WDR33: variants seen among roughly 807,000 people sequenced by gnomAD.
WDR33 encodes the protein WD repeat domain 33.
WDR33 carries 47 observed loss-of-function variants against 164.9 expected under a neutral mutation model. The observed-to-expected ratio is 0.29, with a 90% CI of 0.23 to 0.36. The LOEUF is 0.36. Ranked by LOEUF, WDR33 falls within the 10% of genes least tolerant of loss-of-function variation. WDR33 has a pLI of 1.00. For synonymous variants in WDR33, 505 were observed against 589.0 expected, an observed-to-expected ratio of 0.86 and a Z score of 2.06; for missense variants, 1,137 against 1,754.1, an observed-to-expected ratio of 0.65 and a Z score of 6.28.
At chr2:127,808,699 AGCCTG>A (rs1199733769) in intron 1 of WDR33, among the ~76,000 whole-genome samples, 1 of 151,932 alleles carries the variant, frequency 6.6e-6, no homozygotes, top group African/African-American at 2.4e-5. Context: ...GTTTGAGACC[AGCCTG>A]GCCAACATGG....
intron 1 of WDR33, among the ~76,000 whole-genome samples, chr2:127,771,318 T>C (rs1558947387): frequency 6.6e-6 from 1 of 152,224 alleles, no homozygotes; most frequent in Non-Finnish European, 1.5e-5. Flanking sequence ...CTGCACAGCA[T>C]GTTACTTTAC....
intron 7 of WDR33, among the ~76,000 whole-genome samples, chr2:127,749,847 T>C (rs1369535918): frequency 6.6e-6 from 1 of 151,636 alleles, no homozygotes; most frequent in Non-Finnish European, 1.5e-5. Flanking sequence ...GGCTTTTTTT[T>C]TTTTTTGAGA....
Position 127,764,067 on chromosome 2 carries a change from T to G in WDR33, c.626+761A>C. On this transcript the variant is annotated intron_variant, in intron 6 of 21. Transcript: ENST00000322313. This position sits in a 1 kb window ranked among gnomAD's most constrained non-coding sequence, Gnocchi z 6.2. ...CAACCTTAAAGAATGCTGCTTAGCT[T>G]TATTCTGAGGCTGCAGCAATTCTTC... 1 of 987,744 alleles carries G rather than the reference T, an allele frequency of 1.0e-6. No individual in the cohort carries two copies. Among genetic ancestry groups the G allele is most frequent in the Non-Finnish European group, 1.2e-6 (1 of 831,700 alleles). 61.2% of individuals were successfully genotyped at this position (987,744 alleles called of 1,614,324 possible). A position where few individuals can be genotyped will look rare whatever the true frequency, so the allele number is the denominator to read the frequency against.
chr2:127,748,723 G>A (rs1450787049), intron 7 of WDR33, among the ~76,000 whole-genome samples: 1 of 151,914 alleles, frequency 6.6e-6, no homozygotes, highest in East Asian at 1.9e-4. Context: ...CAATAAAGCT[G>A]AAGCTATAAG....
At chr2:127,797,071 T>C (rs1410641145) in intron 1 of WDR33, among the ~76,000 whole-genome samples, 1 of 152,068 alleles carries the variant, frequency 6.6e-6, no homozygotes, top group Non-Finnish European at 1.5e-5. Context: ...ATGATCACCA[T>C]GGCAGGGAAA....
Position 127,732,688 on chromosome 2 carries a change from G to A in WDR33, c.725-5911C>T, listed in dbSNP as rs13405380. Among the ~76,000 whole-genome samples the A allele has an allele frequency of 1.4e-3, 217 of 152,278 alleles. 1 individual carries two copies. The highest frequency in any genetic ancestry group is 5.1e-3 in the African/African-American group (212 of 41,562). On this transcript the variant is annotated intron_variant, in intron 7 of 21. Coordinates refer to ENST00000322313, the MANE Select transcript of WDR33 (RefSeq NM_018383.5). ...CCAGTGCCTGTGGTCCCAGGAAGAT[G>A]TGCCTCAGATACTCAGCAGGGATGC...
At chr2:127,804,212 T>C (rs1230209126) in intron 1 of WDR33, among the ~76,000 whole-genome samples, 1 of 151,972 alleles carries the variant, frequency 6.6e-6, no homozygotes, top group Non-Finnish European at 1.5e-5. Context: ...TCCCAGCTAC[T>C]CGGGAGGTTG....
In WDR33 at chr2:127,764,317, G is replaced by A; in HGVS notation, c.626+511C>T. 2 of 1,344,234 alleles carry A rather than the reference G, an allele frequency of 1.5e-6. No individual in the cohort carries two copies. The highest frequency in any genetic ancestry group is 4.2e-5 in the South Asian group (2 of 47,198). 83.3% of individuals were successfully genotyped at this position (1,344,234 alleles called of 1,614,324 possible). On this transcript the variant is annotated intron_variant, in intron 6 of 21. Coordinates refer to ENST00000322313, the MANE Select transcript of WDR33 (RefSeq NM_018383.5). The surrounding 1 kb of genome is among the most constrained non-coding windows in gnomAD (Gnocchi z 6.2). ...CCCATTCATTACTCCGTTAATGTTT[G>A]CCACATCCAGTTATCTGTGAGGGTT...
At position 127,711,764 on chromosome 2, in the gene WDR33, A is replaced by ATTTTTTT. The variant is rs1206674701; in HGVS notation, c.3308+1818_3308+1819insAAAAAAA. ...ACCACATATACAGATATATATATAT[A>ATTTTTTT]TATATATATATATATATTTTTTTTT... On this transcript the variant is annotated intron_variant, in intron 18 of 21. Transcript: ENST00000322313. 2.0e-3 allele frequency among the ~76,000 whole-genome samples: 147 copies of ATTTTTTT among 74,604 alleles called. 2 individuals carry two copies. Among genetic ancestry groups the ATTTTTTT allele is most frequent in the African/African-American group, 0.017 (139 of 8,036 alleles). 48.9% of individuals were successfully genotyped at this position (74,604 alleles called of 152,430 possible).
chr2:127,725,601 G>A lies in WDR33; in HGVS notation c.852-386C>T, dbSNP rs189109043. 6.4e-3 allele frequency among the ~76,000 whole-genome samples: 974 copies of A among 152,206 alleles called. 7 individuals carry two copies. The highest frequency in any genetic ancestry group is 9.2e-3 in the Admixed American group (140 of 15,294). ...ATACAAAAATTAGCCAGGCGTGATGGCGCATGCCTGTAGTCCCAGCTACTC... is the reference window on the plus strand; with the variant it reads ...ATACAAAAATTAGCCAGGCGTGATGACGCATGCCTGTAGTCCCAGCTACTC... On this transcript the variant is annotated intron_variant, in intron 8 of 21. Transcript: ENST00000322313.
At chr2:127,749,200 T>C (rs961313310) in intron 7 of WDR33, among the ~76,000 whole-genome samples, 3 of 152,112 alleles carry the variant, frequency 2.0e-5, no homozygotes, top group Admixed American at 6.6e-5. Flanking sequence ...TAGACAGGCA[T>C]AGTGGCATGC....
chr2:127,793,331 T>C (rs1428419993), intron 1 of WDR33, among the ~76,000 whole-genome samples: 1 of 151,932 alleles, frequency 6.6e-6, no homozygotes, highest in Non-Finnish European at 1.5e-5. Context: ...CTCGGGAGGC[T>C]AAGGCAGGAG....
In WDR33 at chr2:127,716,014, G is replaced by C. The variant is rs1686292326; in HGVS notation, c.2869+1141C>G. On this transcript the variant is annotated intron_variant, in intron 17 of 21. Coordinates refer to ENST00000322313, the MANE Select transcript of WDR33 (RefSeq NM_018383.5). This position sits in a 1 kb window ranked among gnomAD's most constrained non-coding sequence, Gnocchi z 4.5. ...GGTGGAGACAGACACAGGGCAGGGA[G>C]AGGAAGAGAGGCAGCTCTCAGTTTG... Among the ~76,000 whole-genome samples the C allele has an allele frequency of 6.6e-6, 1 of 152,134 alleles. No homozygotes were observed.
intron 1 of WDR33, among the ~76,000 whole-genome samples, chr2:127,787,857 TC>T (rs1688652949): frequency 3.7e-5 from 1 of 27,056 alleles, no homozygotes; most frequent in Non-Finnish European, 6.8e-5. Context: ...CCCCCCCACC[TC>T]CCTCCCGGAC....
chr2:127,722,478 G>A lies in WDR33; in HGVS notation c.1518+113C>T. Reference sequence around the variant, plus strand: ...CCATGTCTAAGAGTACGTGAACATGGGAAAAATGCTCCAGTACAGAAACAC... The same window carrying A: ...CCATGTCTAAGAGTACGTGAACATGAGAAAAATGCTCCAGTACAGAAACAC... On this transcript the variant is annotated intron_variant, in intron 14 of 21. Coordinates refer to ENST00000322313, the MANE Select transcript of WDR33 (RefSeq NM_018383.5). This position sits in a 1 kb window ranked among gnomAD's most constrained non-coding sequence, Gnocchi z 5.1. The A allele has an allele frequency of 1.4e-6, 2 of 1,426,368 alleles. No individual in the cohort carries two copies. Among genetic ancestry groups the A allele is most frequent in the Middle Eastern group, 1.8e-4 (1 of 5,466 alleles). 88.4% of individuals were successfully genotyped at this position (1,426,368 alleles called of 1,614,324 possible). A position where few individuals can be genotyped will look rare whatever the true frequency, so the allele number is the denominator to read the frequency against.
chr2:127,739,258 A>G (rs1465655807), intron 7 of WDR33, among the ~76,000 whole-genome samples: 1 of 152,222 alleles, frequency 6.6e-6, no homozygotes, highest in East Asian at 1.9e-4. Flanking sequence ...AAAATAGATT[A>G]AGGGTTTATT....
chr2:127,801,303 C>T (rs1419008101), intron 1 of WDR33, among the ~76,000 whole-genome samples: 1 of 151,808 alleles, frequency 6.6e-6, no homozygotes, highest in Non-Finnish European at 1.5e-5. Flanking sequence ...CACACACAGA[C>T]ACAGAAAATA....
rs1382438028 is a variant in WDR33 at position 127,711,774 on chromosome 2, A to ATTTTTTTTTTTTTTT, written c.3308+1808_3308+1809insAAAAAAAAAAAAAAA. Among the ~76,000 whole-genome samples, 385 of 93,222 alleles carry ATTTTTTTTTTTTTTT rather than the reference A, an allele frequency of 4.1e-3. 19 individuals carry two copies. The highest frequency in any genetic ancestry group is 6.5e-3 in the Non-Finnish European group (332 of 51,034). The allele number at this position is 93,222 out of a possible 152,430, so 61.2% of individuals were successfully genotyped here. A position where few individuals can be genotyped will look rare whatever the true frequency, so the allele number is the denominator to read the frequency against. ...CAGATATATATATATATATATATAT[A>ATTTTTTTTTTTTTTT]TATATATTTTTTTTTTGAGACAGAG... On this transcript the variant is annotated intron_variant, in intron 18 of 21. Transcript: ENST00000322313.
chr2:127,715,914 G>A (rs1203715983), intron 17 of WDR33, among the ~76,000 whole-genome samples: 2 of 152,136 alleles, frequency 1.3e-5, no homozygotes, highest in Non-Finnish European at 2.9e-5. Flanking sequence ...GTCCCTGGGA[G>A]GAGAAAGGAG....
Sources: allele counts gnomAD v4.1 joint callset (sites outside exome capture counted in the v4.1 genomes callset), GRCh38; gene constraint gnomAD v4.1.1; non-coding constraint Gnocchi (gnomAD v3.1); transcripts MANE v1.5; gene names NCBI Gene and HGNC (gene_info 2026-07-23, HGNC 2026-07-21).